N4BP1: variants seen among roughly 807,000 people sequenced by gnomAD.
N4BP1 encodes the protein NEDD4 binding protein 1.
N4BP1 carries 21 observed loss-of-function variants against 70.9 expected under a neutral mutation model. The observed-to-expected ratio is 0.30, with a 90% CI of 0.21 to 0.43. The LOEUF is 0.43. N4BP1 is among the 20% of genes least tolerant of loss of function. N4BP1 has a pLI of 1.00. For missense variants in N4BP1, 936 were observed against 1,069.4 expected (o/e 0.88, Z 1.74); for synonymous variants, 387 against 394.6 (o/e 0.98, Z 0.23).
chr16:48,595,456 CAAAAA>C (rs373163833), intron 1 of N4BP1, among the ~76,000 whole-genome samples: 9 of 57,454 alleles, frequency 1.6e-4, no homozygotes, highest in East Asian at 5.4e-4. Context: ...GACTCTGTCT[CAAAAA>C]AAAAAAAAAA....
intron 1 of N4BP1, among the ~76,000 whole-genome samples, chr16:48,564,766 C>G (rs1466054960): frequency 6.6e-6 from 1 of 152,182 alleles, no homozygotes; most frequent in Non-Finnish European, 1.5e-5. Flanking sequence ...CTGAGCATAA[C>G]TGACATCTGC....
At chr16:48,551,504 T>C (rs976299583) in intron 3 of N4BP1, 22 bp from the exon 4 acceptor site, 3 of 1,540,976 alleles carry the variant, frequency 1.9e-6, no homozygotes, top group Non-Finnish European at 2.7e-6. Context: ...ATAAGTTGAA[T>C]ATACATTCAG....
rs1427951645 is a variant in N4BP1, at chr16:48,562,037, A to G, written c.606T>C (p.Asp202=). The change falls in exon 2 of 7, where the codon GAT becomes GAC. Residue 202 remains aspartate, a synonymous_variant. Transcript: ENST00000262384. ...GEENLFETGD[D]EVIEMRDSQQ... ...GAGAATCTCTCATTTCAATAACCTC[A>G]TCATCTCCTGTTTCAAAGAGATTCT... 5 of 1,613,778 alleles carry G rather than the reference A, an allele frequency of 3.1e-6. No homozygotes were observed. Among genetic ancestry groups the G allele is most frequent in the Non-Finnish European group, 4.2e-6 (5 of 1,179,892 alleles).
At chr16:48,553,429 T>C (rs1467873091) in intron 3 of N4BP1, 110 bp downstream of exon 3, 1 of 1,125,906 alleles carries the variant, frequency 8.9e-7, no homozygotes, top group Non-Finnish European at 1.2e-6. Flanking sequence ...ATTTTATTTT[T>C]AAAGCCGCTG....
intron 2 of N4BP1, among the ~76,000 whole-genome samples, chr16:48,555,662 G>A (rs1465558830): frequency 6.6e-6 from 1 of 152,032 alleles, no homozygotes; most frequent in Non-Finnish European, 1.5e-5. Context: ...GACTGGGGGT[G>A]GTTCTTTAAA....
rs537761939 is a variant in N4BP1 at position 48,577,123 on chromosome 16, C to T, written c.199-14679G>A. On this transcript the variant is annotated intron_variant, in intron 1 of 6. Transcript: ENST00000262384. ...TTCACTGGCAATCCCTTGCCTTCCT[C>T]ATCTGCCCCCATTCAAACCAAAACC... Among the ~76,000 whole-genome samples, 9 of 152,282 alleles carry T rather than the reference C, an allele frequency of 5.9e-5. No individual in the cohort carries two copies. In the East Asian group the frequency reaches 1.7e-3, roughly 29 times the overall value.
intron 6 of N4BP1, among the ~76,000 whole-genome samples, chr16:48,545,587 TAAATC>T (rs2151084636): frequency 6.6e-6 from 1 of 150,730 alleles, no homozygotes; most frequent in East Asian, 2.0e-4. Flanking sequence ...TCAAAAAAAA[TAAATC>T]AATAAAAATA....
At chr16:48,606,003 T>C (rs1964575232) in intron 1 of N4BP1, among the ~76,000 whole-genome samples, 1 of 152,206 alleles carries the variant, frequency 6.6e-6, no homozygotes, top group Non-Finnish European at 1.5e-5. Context: ...AGAAACACCT[T>C]GCACACATTG....
chr16:48,609,458 T>TGCGCA (rs143074217), intron 1 of N4BP1, among the ~76,000 whole-genome samples: 2,061 of 152,250 alleles, frequency 0.014, 40 homozygotes, highest in African/African-American at 0.047. Flanking sequence ...ACAGGCGACA[T>TGCGCA]GCGCAGCGCA....
intron 4 of N4BP1, among the ~76,000 whole-genome samples, chr16:48,550,706 C>A (rs1963652934): frequency 6.6e-6 from 1 of 151,884 alleles, no homozygotes; most frequent in Non-Finnish European, 1.5e-5. Context: ...GAGTTCAAGA[C>A]CACCCTGGCC....
chr16:48,580,195 C>A (rs968135535), intron 1 of N4BP1, among the ~76,000 whole-genome samples: 6 of 151,816 alleles, frequency 4.0e-5, no homozygotes, highest in Admixed American at 3.9e-4. Context: ...AAATTCATAA[C>A]CCTTTAGCTA....
intron 1 of N4BP1, among the ~76,000 whole-genome samples, chr16:48,605,932 C>T (rs535249835): frequency 3.9e-5 from 6 of 152,328 alleles, no homozygotes; most frequent in African/African-American, 1.4e-4. Flanking sequence ...TTCCCTCTGC[C>T]AGGACCTCCC....
At chr16:48,576,110 T>C (rs549073663) in intron 1 of N4BP1, among the ~76,000 whole-genome samples, 108 of 152,096 alleles carry the variant, frequency 7.1e-4, no homozygotes, top group African/African-American at 2.6e-3. Context: ...GAATATGACT[T>C]TCAGACATTA....
At chr16:48,581,578 G>A (rs900304196) in intron 1 of N4BP1, among the ~76,000 whole-genome samples, 5 of 152,100 alleles carry the variant, frequency 3.3e-5, no homozygotes, top group African/African-American at 1.2e-4. Context: ...ACAAAAATCA[G>A]TAGTGTTTCT....
intron 1 of N4BP1, chr16:48,578,492 C>T (rs1379034276): frequency 6.6e-6 from 1 of 152,256 alleles, no homozygotes; most frequent in African/African-American, 2.4e-5. Context: ...AATCAGAGCT[C>T]ACAGCTCTCT....
At chr16:48,570,212 C>T (rs1963996467) in intron 1 of N4BP1, among the ~76,000 whole-genome samples, 1 of 152,198 alleles carries the variant, frequency 6.6e-6, no homozygotes, top group Non-Finnish European at 1.5e-5. Context: ...TTTTCTGTCC[C>T]TTGGGCTGAA....
intron 1 of N4BP1, chr16:48,600,718 A>C (rs1964483012): frequency 5.7e-6 from 2 of 348,126 alleles, no homozygotes; most frequent in South Asian, 5.3e-5. Flanking sequence ...GAACTGCTAA[A>C]TTATTTTTTA....
At chr16:48,598,742 T>C (rs917258266) in intron 1 of N4BP1, among the ~76,000 whole-genome samples, 7 of 152,144 alleles carry the variant, frequency 4.6e-5, no homozygotes, top group Admixed American at 1.3e-4. Flanking sequence ...GCTTACCCTC[T>C]GGCTGGGGAC....
intron 2 of N4BP1, among the ~76,000 whole-genome samples, chr16:48,556,618 A>G (rs1291590369): frequency 6.6e-6 from 1 of 152,192 alleles, no homozygotes; most frequent in African/African-American, 2.4e-5. Context: ...GTTAAAGGTT[A>G]TATCATCTGG....
Sources: gnomAD v4.1 joint callset for allele counts (sites outside exome capture counted in the v4.1 genomes callset) on GRCh38, gnomAD v4.1.1 for gene constraint, MANE v1.5 for transcripts, NCBI Gene and HGNC (gene_info 2026-07-23, HGNC 2026-07-21) for gene names.